The following MYO18B variants were observed in gnomAD, a reference collection of about 807,000 sequenced individuals.
MYO18B encodes the protein unconventional myosin-XVIIIb.
Under a neutral mutation model 273.0 loss-of-function variants are expected in MYO18B, and 204 were observed. The observed-to-expected ratio is 0.75, with a 90% CI of 0.67 to 0.84. The LOEUF (loss-of-function observed/expected upper bound fraction) is 0.84, where lower values mean the gene tolerates loss of function less well. Among genes scored for constraint, MYO18B ranks in the 40% least tolerant of loss-of-function variants. The pLI is 0.00. For synonymous variants in MYO18B, 1,330 were observed against 1,305.7 expected, an observed-to-expected ratio of 1.02 and a Z score of -0.40; for missense variants, 3,212 against 3,287.6, an observed-to-expected ratio of 0.98 and a Z score of 0.56.
Position 25,813,448 on chromosome 22 carries a change from A to G in MYO18B, c.2522-10057A>G, listed in dbSNP as rs1167854950. 2.6e-5 allele frequency among the ~76,000 whole-genome samples: 4 copies of G among 152,166 alleles called. No homozygotes were observed. The East Asian group carries it at 7.7e-4, about 29-fold the overall frequency. ...GAATTAAGAAAGATAAACCCAGGCT[A>G]TCTTGGATGGTGGATGATGCTGGGG... is the stretch of plus-strand genomic sequence containing the variant. On this transcript the variant is annotated intron_variant, in intron 12 of 43. Transcript: ENST00000335473.
intron 40 of MYO18B, among the ~76,000 whole-genome samples, chr22:26,000,258 G>GT (rs66716076): frequency 0.084 from 12,783 of 152,242 alleles, 733 homozygotes; most frequent in Middle Eastern, 0.16. Flanking sequence ...TGTAGAATTC[G>GT]TTTTTTATAC....
chr22:25,757,255 C>G (rs750049418), intron 1 of MYO18B, among the ~76,000 whole-genome samples: 6 of 152,114 alleles, frequency 3.9e-5, no homozygotes, highest in Non-Finnish European at 8.8e-5. Flanking sequence ...ATAATAGCCA[C>G]CTTCTAGTTA....
intron 36 of MYO18B, 58 bp from the exon 37 acceptor site, chr22:25,950,309 C>G: frequency 6.9e-7 from 1 of 1,453,592 alleles, no homozygotes; most frequent in Non-Finnish European, 9.3e-7. Flanking sequence ...GGGTGGTTTC[C>G]CAGCAAGGCT....
At chr22:25,977,252 C>CT (rs1459028621) in intron 39 of MYO18B, among the ~76,000 whole-genome samples, 1 of 151,732 alleles carries the variant, frequency 6.6e-6, no homozygotes, top group Non-Finnish European at 1.5e-5. Context: ...GCCTGGATGG[C>CT]TTTATTCAAG....
At chr22:25,861,173 T>C (rs543037365) in intron 21 of MYO18B, among the ~76,000 whole-genome samples, 2 of 152,292 alleles carry the variant, frequency 1.3e-5, no homozygotes, top group East Asian at 1.9e-4. Flanking sequence ...CGTGAGCCAC[T>C]GTGCCTGGCA....
intron 12 of MYO18B, among the ~76,000 whole-genome samples, chr22:25,799,690 G>A (rs1313480820): frequency 6.6e-6 from 1 of 152,182 alleles, no homozygotes; most frequent in African/African-American, 2.4e-5. Context: ...CCCGGGCCCT[G>A]TGGCCTATTC....
the MYO18B span, among the ~76,000 whole-genome samples, chr22:26,051,878 T>A: frequency 9.2e-5 from 14 of 152,388 alleles, no homozygotes; most frequent in South Asian, 4.1e-4. Context: ...TTTTTGCACT[T>A]AAAAACATAT....
At chr22:25,772,284 G>GGGACAGAA in intron 6 of MYO18B, 50 bp from the exon 7 acceptor site, 3 of 1,572,480 alleles carry the variant, frequency 1.9e-6, no homozygotes, top group Non-Finnish European at 2.6e-6. Flanking sequence ...TGGGGGCAGG[G>GGGACAGAA]GGCCAGAAGG....
chr22:26,029,805 G>A (rs1364888688), intron 43 of MYO18B, among the ~76,000 whole-genome samples: 1 of 152,068 alleles, frequency 6.6e-6, no homozygotes, highest in Non-Finnish European at 1.5e-5. Flanking sequence ...GTCCTCAGTT[G>A]GAAAACAGGG....
chr22:25,975,973 GA>G (rs1569255312), intron 39 of MYO18B, among the ~76,000 whole-genome samples: 1 of 152,196 alleles, frequency 6.6e-6, no homozygotes, highest in Non-Finnish European at 1.5e-5. Flanking sequence ...TCTGACTCCA[GA>G]GTCCATTTCT....
intron 39 of MYO18B, among the ~76,000 whole-genome samples, chr22:25,962,412 GTAA>G (rs1434033382): frequency 6.6e-6 from 1 of 152,224 alleles, no homozygotes; most frequent in East Asian, 1.9e-4. Context: ...TAGATGCTCA[GTAA>G]TTGCTTGCTG....
chr22:26,041,877 G>T, the MYO18B span, among the ~76,000 whole-genome samples: 1 of 152,220 alleles, frequency 6.6e-6, no homozygotes, highest in African/African-American at 2.4e-5. Context: ...CCTCCTGGCA[G>T]GTGACATGCC....
chr22:25,931,401 T>C (rs569065133), intron 34 of MYO18B, among the ~76,000 whole-genome samples: 1 of 152,368 alleles, frequency 6.6e-6, no homozygotes, highest in African/African-American at 2.4e-5. Flanking sequence ...ATAACTATTC[T>C]ACAGCAACGA....
At chr22:25,749,406 C>T (rs2146532862) in intron 1 of MYO18B, among the ~76,000 whole-genome samples, 1 of 152,276 alleles carries the variant, frequency 6.6e-6, no homozygotes, top group Non-Finnish European at 1.5e-5. Flanking sequence ...TGGACAGGGA[C>T]CACTTGAAGG....
chr22:25,977,778 T>A (rs1263150969), intron 39 of MYO18B, among the ~76,000 whole-genome samples: 1 of 152,220 alleles, frequency 6.6e-6, no homozygotes, highest in Non-Finnish European at 1.5e-5. Flanking sequence ...TGTTATAGTC[T>A]ATGCAATGTG....
intron 13 of MYO18B, among the ~76,000 whole-genome samples, chr22:25,824,898 CATGT>C (rs1259899462): frequency 6.7e-6 from 1 of 150,364 alleles, no homozygotes; most frequent in Non-Finnish European, 1.5e-5. Flanking sequence ...TGTATGCACA[CATGT>C]GCACAGATAC....
chr22:25,829,782 G>A (rs367690566), intron 15 of MYO18B, among the ~76,000 whole-genome samples: 1 of 152,106 alleles, frequency 6.6e-6, no homozygotes, highest in East Asian at 1.9e-4. Flanking sequence ...AGGTCGTGGT[G>A]AGCTGAGATT....
intron 3 of MYO18B, among the ~76,000 whole-genome samples, chr22:25,764,026 A>T (rs1358465694): frequency 6.6e-6 from 1 of 152,182 alleles, no homozygotes; most frequent in Non-Finnish European, 1.5e-5. Context: ...CTCAGCTGCC[A>T]TGTTTACCCA....
intron 11 of MYO18B, among the ~76,000 whole-genome samples, chr22:25,793,191 C>T (rs560962785): frequency 3.9e-4 from 60 of 152,252 alleles, no homozygotes; most frequent in African/African-American, 1.3e-3. Context: ...CTCATTTAGT[C>T]CTCATAGCAG....
Sources: allele counts gnomAD v4.1 joint callset (sites outside exome capture counted in the v4.1 genomes callset), GRCh38; gene constraint gnomAD v4.1.1; transcripts MANE v1.5; gene names NCBI Gene and HGNC (gene_info 2026-07-23, HGNC 2026-07-21).